Variants in KLHL4 observed in about 807,000 individuals in gnomAD.
The protein encoded by KLHL4 is kelch-like protein 4.
Under a neutral mutation model 45.8 loss-of-function variants are expected in KLHL4, and 17 were observed. The ratio of observed to expected loss-of-function variants is 0.37; its 90% CI spans 0.25 to 0.56. The LOEUF is 0.56. Ranked by LOEUF, KLHL4 falls within the 20% of genes least tolerant of loss-of-function variation. The pLI, the probability that KLHL4 is intolerant of heterozygous loss-of-function variation, is 0.79. For missense variants in KLHL4, 544 were observed against 544.9 expected (o/e 1.00, Z 0.02); for synonymous variants, 224 against 189.9 (o/e 1.18, Z -1.47).
chrX:87,646,049 GA>G (rs893102680), intron 9 of KLHL4, among the ~76,000 whole-genome samples: 2 of 110,841 alleles, frequency 1.8e-5, no homozygotes, highest in African/African-American at 6.6e-5. Context: ...ATAATTTATG[GA>G]AAAAAATTAA....
In KLHL4 at chrX:87,632,236, C is replaced by T. The variant is rs775606589; in HGVS notation, c.1351C>T (p.Leu451Phe). The change falls in exon 7 of 11, where the codon CTC (leucine) becomes TTC (phenylalanine). Residue 451 changes from leucine (L) to phenylalanine (F), a missense_variant. By Grantham distance (22) the Leu-to-Phe change is conservative. Coordinates refer to ENST00000373119, the MANE Select transcript of KLHL4 (RefSeq NM_019117.5). ...TACTACTACTATTGAAAAATATGAC[C>T]TCAGGACCAACAGTTGGCTACATAT... Reference protein sequence around the residue: ...KGTTTIEKYDLRTNSWLHIGT... With the variant: ...KGTTTIEKYDFRTNSWLHIGT... The T allele has an allele frequency of 1.3e-5, 16 of 1,196,438 alleles. No homozygotes were observed. The highest frequency in any genetic ancestry group is 1.7e-5 in the Non-Finnish European group (15 of 883,509).
At chrX:87,612,335 G>A (rs1352258551) in intron 1 of KLHL4, among the ~76,000 whole-genome samples, 1 of 111,471 alleles carries the variant, frequency 9.0e-6, no homozygotes, top group Non-Finnish European at 1.9e-5. Flanking sequence ...CTCTTTCTAT[G>A]TTTGTATATT....
intron 1 of KLHL4, among the ~76,000 whole-genome samples, chrX:87,523,833 G>C (rs1931052870): frequency 1.8e-5 from 2 of 110,556 alleles, no homozygotes; most frequent in Admixed American, 9.7e-5. Context: ...CGTGGTGGCA[G>C]GCACCTGTAA....
chrX:87,597,375 A>G (rs1354886750), intron 1 of KLHL4, among the ~76,000 whole-genome samples: 5 of 110,940 alleles, frequency 4.5e-5, no homozygotes, highest in Non-Finnish European at 7.6e-5. Flanking sequence ...TAATGAAAAC[A>G]TGGTTTGTCT....
intron 1 of KLHL4, among the ~76,000 whole-genome samples, chrX:87,604,438 TTTC>T (rs1016995007): frequency 9.0e-6 from 1 of 111,571 alleles, no homozygotes; most frequent in Admixed American, 9.6e-5. Flanking sequence ...TTTTCTTTTT[TTTC>T]TTCTTTTTTT....
At chrX:87,620,211 A>G (rs1922704833) in intron 4 of KLHL4, among the ~76,000 whole-genome samples, 1 of 111,612 alleles carries the variant, frequency 9.0e-6, no homozygotes. Context: ...AGATTTTTAT[A>G]AAATGAATAG....
At chrX:87,631,756 C>G (rs1377550221) in intron 6 of KLHL4, among the ~76,000 whole-genome samples, 1 of 111,763 alleles carries the variant, frequency 8.9e-6, no homozygotes, top group Non-Finnish European at 1.9e-5. Context: ...CACATACACA[C>G]AAACACACAC....
At chrX:87,641,321 C>T (rs1311535904) in intron 9 of KLHL4, among the ~76,000 whole-genome samples, 1 of 111,805 alleles carries the variant, frequency 8.9e-6, no homozygotes, top group Non-Finnish European at 1.9e-5. Context: ...CCAACTTTAC[C>T]TGGAGCTGAG....
chrX:87,620,071 C>A (rs1048555591), intron 4 of KLHL4, among the ~76,000 whole-genome samples: 1 of 111,131 alleles, frequency 9.0e-6, no homozygotes, highest in African/African-American at 3.3e-5. Context: ...GTCTGGGTAC[C>A]CCGTTCGTTA....
chrX:87,597,996 A>T (rs187599561), intron 1 of KLHL4, among the ~76,000 whole-genome samples: 117 of 109,789 alleles, frequency 1.1e-3, no homozygotes, highest in Non-Finnish European at 2.9e-4. Flanking sequence ...TTTTAATTCA[A>T]ATTTGTTCTT....
At chrX:87,651,074 C>T (rs1416837541) in intron 9 of KLHL4, among the ~76,000 whole-genome samples, 2 of 112,135 alleles carry the variant, frequency 1.8e-5, no homozygotes, top group Non-Finnish European at 3.8e-5. Flanking sequence ...CAGATTATTG[C>T]ACATTCACCT....
At chrX:87,581,077 T>C (rs1443571003) in intron 1 of KLHL4, among the ~76,000 whole-genome samples, 1 of 112,500 alleles carries the variant, frequency 8.9e-6, no homozygotes, top group Non-Finnish European at 1.9e-5. Flanking sequence ...TTCATCAGCA[T>C]GACATGGCTA....
intron 1 of KLHL4, among the ~76,000 whole-genome samples, chrX:87,588,696 T>C (rs139489229): frequency 9.0e-6 from 1 of 110,946 alleles, no homozygotes; most frequent in East Asian, 2.8e-4. Context: ...ATGAAACTAC[T>C]ACAAGAAAAC....
chrX:87,623,300 T>TTC (rs1922818329), intron 5 of KLHL4, among the ~76,000 whole-genome samples: 2 of 87,817 alleles, frequency 2.3e-5, no homozygotes, highest in Non-Finnish European at 4.5e-5. Context: ...TTTTTTTTTT[T>TTC]TTTTTTTTTT....
At chrX:87,529,754 A>G (rs939158867) in intron 1 of KLHL4, among the ~76,000 whole-genome samples, 1 of 112,091 alleles carries the variant, frequency 8.9e-6, no homozygotes, top group Non-Finnish European at 1.9e-5. Flanking sequence ...TACTTTTTAA[A>G]TTCCCTTTTT....
At chrX:87,552,669 C>T (rs1159808124) in intron 1 of KLHL4, among the ~76,000 whole-genome samples, 1 of 97,885 alleles carries the variant, frequency 1.0e-5, no homozygotes, top group Non-Finnish European at 2.0e-5. Flanking sequence ...CATCAATCAA[C>T]GAGTGGATAA....
intron 1 of KLHL4, among the ~76,000 whole-genome samples, chrX:87,586,136 G>A (rs1921463583): frequency 9.0e-6 from 1 of 111,052 alleles, no homozygotes. Flanking sequence ...AACAAATATT[G>A]TTAGAGCTTA....
intron 1 of KLHL4, among the ~76,000 whole-genome samples, chrX:87,551,608 T>TAGATAGATAGATAGATAGATAGATGGAA (rs761675267): frequency 9.3e-6 from 1 of 107,112 alleles, no homozygotes; most frequent in African/African-American, 3.4e-5. Context: ...GATAGATAGA[T>TAGATAGATAGATAGATAGATAGATGGAA]AGAAATAGAA....
In KLHL4 at chrX:87,669,213, TC is replaced by T; in HGVS notation, c.*2680del. Reference sequence around the variant, plus strand: ...CTCAGATCTGAAAGACAATGTTGCTTCTTGATTTTTTTCTATAATCACTATG... The same window carrying T: ...CTCAGATCTGAAAGACAATGTTGCTTTTGATTTTTTTCTATAATCACTATG... On this transcript the variant is annotated 3_prime_UTR_variant, in exon 11 of 11. Transcript: ENST00000373119. The T allele has an allele frequency of 9.0e-7, 1 of 1,106,878 alleles. No individual in the cohort carries two copies. The allele number at this position is 1,106,878 out of a possible 1,213,427, so 91.2% of individuals were successfully genotyped here.
Sources: gnomAD v4.1 joint callset for allele counts (sites outside exome capture counted in the v4.1 genomes callset) on GRCh38, gnomAD v4.1.1 for gene constraint, MANE v1.5 for transcripts, NCBI Gene and HGNC (gene_info 2026-07-23, HGNC 2026-07-21) for gene names.